The following FAM13A variants were observed in gnomAD, a reference collection of about 807,000 sequenced individuals.
The protein encoded by FAM13A is family with sequence similarity 13 member A.
FAM13A carries 76 observed loss-of-function variants against 129.6 expected under a neutral mutation model. The ratio of observed to expected loss-of-function variants is 0.59; its 90% CI spans 0.49 to 0.71. The LOEUF is 0.71. Among genes scored for constraint, FAM13A ranks in the 30% least tolerant of loss-of-function variants. The pLI is 0.00. For missense variants in FAM13A, 1,108 were observed against 1,249.3 expected, an observed-to-expected ratio of 0.89 and a Z score of 1.70; for synonymous variants, 443 against 449.9, an observed-to-expected ratio of 0.98 and a Z score of 0.20.
intron 11 of FAM13A, among the ~76,000 whole-genome samples, chr4:88,769,917 GTTA>G (rs1028748532): frequency 1.3e-5 from 2 of 151,892 alleles, no homozygotes; most frequent in Non-Finnish European, 2.9e-5. Flanking sequence ...AATTGTTGAT[GTTA>G]TTGTTTCTGA....
intron 4 of FAM13A, among the ~76,000 whole-genome samples, chr4:88,980,933 T>C (rs753472987): frequency 3.3e-5 from 5 of 152,212 alleles, no homozygotes; most frequent in Non-Finnish European, 7.4e-5. Context: ...TTCTGCAAGA[T>C]TTGAAGACCA....
intron 1 of FAM13A, among the ~76,000 whole-genome samples, chr4:89,032,022 A>T (rs1768753353): frequency 6.6e-6 from 1 of 152,096 alleles, no homozygotes; most frequent in Non-Finnish European, 1.5e-5. Context: ...GATCGAGACC[A>T]TCCTGGCCAA....
intron 6 of FAM13A, among the ~76,000 whole-genome samples, chr4:88,881,017 C>T (rs1482295523): frequency 5.9e-5 from 9 of 152,150 alleles, no homozygotes; most frequent in Admixed American, 1.3e-4. Context: ...ACCCTGCCCC[C>T]ACCTGATGGT....
At chr4:88,991,960 T>C (rs1029702839) in intron 3 of FAM13A, among the ~76,000 whole-genome samples, 1 of 152,110 alleles carries the variant, frequency 6.6e-6, no homozygotes, top group South Asian at 2.1e-4. Flanking sequence ...TTTCCCACCA[T>C]CCTCCAAATG....
intron 4 of FAM13A, among the ~76,000 whole-genome samples, chr4:88,945,771 T>C (rs895834881): frequency 7.7e-6 from 1 of 130,050 alleles, no homozygotes. Context: ...TATATATATA[T>C]ACTATGTGGT....
At chr4:88,869,687 T>C (rs1741027197) in intron 6 of FAM13A, among the ~76,000 whole-genome samples, 1 of 152,380 alleles carries the variant, frequency 6.6e-6, no homozygotes, top group Non-Finnish European at 1.5e-5. Flanking sequence ...AGTCTGAAGA[T>C]TCCATGTATC....
chr4:88,957,358 C>T (rs775653535), intron 4 of FAM13A, among the ~76,000 whole-genome samples: 14 of 152,182 alleles, frequency 9.2e-5, no homozygotes, highest in Middle Eastern at 3.4e-3. Context: ...CACCTCCCTC[C>T]CACCCCACAT....
chr4:88,873,347 C>G (rs988394679), intron 6 of FAM13A, among the ~76,000 whole-genome samples: 1 of 152,016 alleles, frequency 6.6e-6, no homozygotes, highest in Non-Finnish European at 1.5e-5. Context: ...TTAATGAATC[C>G]AGGAGCTGGT....
At chr4:88,998,048 G>C (rs11097208) in intron 3 of FAM13A, among the ~76,000 whole-genome samples, 120,834 of 152,058 alleles carry the variant, frequency 0.79, 48,251 homozygotes, top group Middle Eastern at 0.88. Flanking sequence ...CTGCATGGAA[G>C]TGAATTCTGC....
intron 7 of FAM13A, among the ~76,000 whole-genome samples, chr4:88,816,907 AT>A (rs1730842375): frequency 6.6e-6 from 1 of 152,224 alleles, no homozygotes; most frequent in Non-Finnish European, 1.5e-5. Flanking sequence ...TATTTTCATA[AT>A]TCTCAAAAGT....
intron 5 of FAM13A, among the ~76,000 whole-genome samples, chr4:88,907,383 A>C (rs1748343171): frequency 6.6e-6 from 1 of 152,206 alleles, no homozygotes; most frequent in Non-Finnish European, 1.5e-5. Context: ...AGTTTAGTTT[A>C]TGGCTAATTC....
chr4:88,782,026 AAAG>A (rs1336525286), intron 10 of FAM13A, among the ~76,000 whole-genome samples: 1 of 151,944 alleles, frequency 6.6e-6, no homozygotes, highest in African/African-American at 2.4e-5. Context: ...AATTAAAAAA[AAAG>A]AAATGTGTAT....
At chr4:88,861,033 C>T (rs1048823794) in intron 6 of FAM13A, among the ~76,000 whole-genome samples, 29 of 152,274 alleles carry the variant, frequency 1.9e-4, no homozygotes, top group African/African-American at 6.0e-4. Context: ...TTGCCAGCTG[C>T]ATGATGTGGA....
intron 14 of FAM13A, among the ~76,000 whole-genome samples, chr4:88,757,429 G>A (rs1011205494): frequency 1.8e-4 from 28 of 152,044 alleles, no homozygotes; most frequent in African/African-American, 5.8e-4. Context: ...TGACTACTAT[G>A]GGACTTTTTT....
chr4:88,765,813 T>C (rs1049109258), intron 13 of FAM13A, among the ~76,000 whole-genome samples: 2 of 152,206 alleles, frequency 1.3e-5, no homozygotes, highest in African/African-American at 4.8e-5. Context: ...CACCTAATTT[T>C]ATGTCCTAAC....
intron 1 of FAM13A, among the ~76,000 whole-genome samples, chr4:89,036,903 G>C (rs946573771): frequency 6.6e-6 from 1 of 152,218 alleles, no homozygotes; most frequent in Non-Finnish European, 1.5e-5. Context: ...GGTGCACAGA[G>C]GGCAAAAGTT....
At chr4:88,814,844 T>C (rs1402271449) in intron 7 of FAM13A, among the ~76,000 whole-genome samples, 2 of 152,034 alleles carry the variant, frequency 1.3e-5, no homozygotes, top group Admixed American at 1.3e-4. Context: ...TTTTCTGAAG[T>C]CTTTTTTTTG....
rs763422540 is a variant in FAM13A, at chr4:88,748,944, T to G, written c.2161+8A>C. On this transcript the variant is annotated splice_region_variant and intron_variant, in intron 17 of 23. Coordinates refer to ENST00000264344, the MANE Select transcript of FAM13A (RefSeq NM_014883.4). ...GTACAGAAGCCACAGCTCCAGAATTTTACCCACCTTTAAGTTGTCTCCGGA... is the reference window on the plus strand; with the variant it reads ...GTACAGAAGCCACAGCTCCAGAATTGTACCCACCTTTAAGTTGTCTCCGGA... 9 of 1,606,496 alleles carry G rather than the reference T, an allele frequency of 5.6e-6. No homozygotes were observed. In the African/African-American group the frequency reaches 1.2e-4, roughly 22 times the overall value.
At chr4:89,055,321 A>G (rs1392750330) in intron 1 of FAM13A, among the ~76,000 whole-genome samples, 1 of 152,224 alleles carries the variant, frequency 6.6e-6, no homozygotes, top group Non-Finnish European at 1.5e-5. Flanking sequence ...AAACCAAGAC[A>G]GCACAATCAA....
Sources: allele counts gnomAD v4.1 joint callset (sites outside exome capture counted in the v4.1 genomes callset), GRCh38; gene constraint gnomAD v4.1.1; transcripts MANE v1.5; gene names NCBI Gene and HGNC (gene_info 2026-07-23, HGNC 2026-07-21).